IL6R: variants seen among roughly 807,000 people sequenced by gnomAD.
IL6R encodes the protein interleukin 6 receptor, also known as interleukin-6 receptor subunit alpha.
IL6R carries 38 observed loss-of-function variants against 48.3 expected under a neutral mutation model. The observed-to-expected ratio is 0.79, with a 90% CI of 0.61 to 1.03. The LOEUF (loss-of-function observed/expected upper bound fraction) is 1.03, where lower values mean the gene tolerates loss of function less well. Among genes scored for constraint, IL6R ranks in the 50% least tolerant of loss-of-function variants. The probability of loss-of-function intolerance (pLI) is 0.00; values close to 1 mark genes in which losing one functional copy is unlikely to be tolerated. For synonymous variants in IL6R, 264 were observed against 256.2 expected, an observed-to-expected ratio of 1.03 and a Z score of -0.29; for missense variants, 534 against 618.3, an observed-to-expected ratio of 0.86 and a Z score of 1.45.
intron 6 of IL6R, chr1:154,437,480 C>T (rs1284809914): frequency 6.7e-6 from 3 of 446,994 alleles, no homozygotes; most frequent in African/African-American, 2.0e-5. Context: ...GCAGTGCAAT[C>T]ACAGCTCACG....
rs1280951271 is a variant in IL6R, at chr1:154,467,553, G to A, written c.*2173G>A. ...AGCCGTGATTTTCATTGCTGGGCTT[G>A]TCTGTAGATTTTAGACCCTATTGCT... On this transcript the variant is annotated 3_prime_UTR_variant, in exon 10 of 10. Coordinates refer to ENST00000368485, the MANE Select transcript of IL6R (RefSeq NM_000565.4). The A allele has an allele frequency of 1.3e-5, 2 of 152,232 alleles. No individual in the cohort carries two copies. The highest frequency in any genetic ancestry group is 4.8e-5 in the African/African-American group (2 of 41,452). 9.4% of individuals were successfully genotyped at this position (152,232 alleles called of 1,614,324 possible).
chr1:154,459,648 T>C (rs1230757919), intron 9 of IL6R, among the ~76,000 whole-genome samples: 2 of 152,228 alleles, frequency 1.3e-5, no homozygotes, highest in African/African-American at 4.8e-5. Context: ...TTACTCATTC[T>C]TTTTTTCTGA....
intron 9 of IL6R, among the ~76,000 whole-genome samples, chr1:154,457,576 C>T (rs1013278611): frequency 3.3e-5 from 5 of 152,154 alleles, no homozygotes; most frequent in African/African-American, 1.2e-4. Flanking sequence ...CAATCATCTT[C>T]GCTCCATTTG....
chr1:154,431,681 G>A (rs1033316910), intron 3 of IL6R, among the ~76,000 whole-genome samples: 4 of 152,132 alleles, frequency 2.6e-5, no homozygotes, highest in Admixed American at 2.6e-4. Flanking sequence ...GAATGATGTA[G>A]GCATTGTGAC....
At chr1:154,454,215 G>T (rs1690744919) in intron 8 of IL6R, 1 of 487,458 alleles carries the variant, frequency 2.1e-6, no homozygotes, top group African/African-American at 1.9e-5. Context: ...CAGAAACCCT[G>T]AGCTTGAGGT....
chr1:154,429,364 C>T lies in IL6R; in HGVS notation c.254C>T (p.Ser85Leu), dbSNP rs765013919. Residue 85 changes from serine (S) to leucine (L), a missense_variant, in exon 2 of 10, where the codon TCG becomes TTG. Coordinates refer to ENST00000368485, the MANE Select transcript of IL6R (RefSeq NM_000565.4). ...AGMGRRLLLR[S>L]VQLHDSGNYS... The stretch of plus-strand genomic sequence containing the variant: ...ATGGGAAGGAGGCTGCTGCTGAGGT[C>T]GGTGCAGCTCCACGACTCTGGAAAC... The T allele has an allele frequency of 9.9e-6, 16 of 1,613,920 alleles. No homozygotes were observed. In the East Asian group the frequency reaches 1.8e-4, roughly 18 times the overall value.
chr1:154,456,090 G>T (rs1220205586), intron 9 of IL6R, among the ~76,000 whole-genome samples: 3 of 151,960 alleles, frequency 2.0e-5, no homozygotes, highest in Non-Finnish European at 4.4e-5. Context: ...TCTCAATGCA[G>T]TTTGGAGACT....
chr1:154,449,280 T>C (rs1363997380), intron 7 of IL6R, among the ~76,000 whole-genome samples: 1 of 151,824 alleles, frequency 6.6e-6, no homozygotes, highest in Non-Finnish European at 1.5e-5. Flanking sequence ...TTTGGGAGGC[T>C]GAGGCAGGCA....
chr1:154,440,780 C>T (rs1358602095), intron 6 of IL6R, among the ~76,000 whole-genome samples: 3 of 151,944 alleles, frequency 2.0e-5, no homozygotes, highest in South Asian at 2.1e-4. Flanking sequence ...CTCAGCCTCC[C>T]GAGTAGTTGA....
chr1:154,435,771 G>A (rs1007824715), intron 5 of IL6R, among the ~76,000 whole-genome samples, 198 bp from the exon 6 acceptor site: 3 of 152,216 alleles, frequency 2.0e-5, no homozygotes, highest in African/African-American at 7.2e-5. Context: ...TGCATGGGTG[G>A]GGCAGGGACT....
intron 8 of IL6R, among the ~76,000 whole-genome samples, chr1:154,450,194 C>T (rs528300202): frequency 5.1e-4 from 77 of 151,326 alleles, no homozygotes; most frequent in Middle Eastern, 3.4e-3. Context: ...GGCATGATCT[C>T]GGCTCACCAC....
intron 1 of IL6R, among the ~76,000 whole-genome samples, chr1:154,424,397 C>T (rs1688856554): frequency 6.6e-6 from 1 of 152,242 alleles, no homozygotes; most frequent in Non-Finnish European, 1.5e-5. Context: ...TTGACCCCTA[C>T]CTTAGACCTT....
Position 154,434,946 on chromosome 1 carries a change from C to T in IL6R, c.641-44C>T, listed in dbSNP as rs780912164. ...CTCAGCCTACATGGGCTTCTCTACA[C>T]TATATTTGGTGCTGCAAAGGAGTCA... On this transcript the variant is annotated intron_variant, in intron 4 of 9. Transcript: ENST00000368485. 15 of 1,604,522 alleles carry T rather than the reference C, an allele frequency of 9.3e-6. No homozygotes were observed. In the Middle Eastern group the frequency reaches 1.0e-3, roughly 109 times the overall value.
At chr1:154,407,597 A>G (rs1191883100) in intron 1 of IL6R, among the ~76,000 whole-genome samples, 1 of 152,258 alleles carries the variant, frequency 6.6e-6, no homozygotes, top group Non-Finnish European at 1.5e-5. Flanking sequence ...TCGTACAGGA[A>G]GCATGGAGCA....
chr1:154,464,515 C>T (rs540773428), intron 9 of IL6R, among the ~76,000 whole-genome samples: 34 of 152,218 alleles, frequency 2.2e-4, no homozygotes, highest in African/African-American at 8.2e-4. Context: ...AATGAACAGC[C>T]TCTGCAATGG....
chr1:154,443,609 G>C lies in IL6R; in HGVS notation c.950-4516G>C, dbSNP rs147481780. On this transcript the variant is annotated intron_variant, in intron 6 of 9. Transcript: ENST00000368485. ...CGACCCTGGGGAAGTACCTCACTGAGACTCAGTTTGCTTATTTGTCAAATG... is the reference window on the plus strand; with the variant it reads ...CGACCCTGGGGAAGTACCTCACTGACACTCAGTTTGCTTATTTGTCAAATG... Among the ~76,000 whole-genome samples, 77 of 152,286 alleles carry C rather than the reference G, an allele frequency of 5.1e-4. No individual in the cohort carries two copies. In the Middle Eastern group the frequency reaches 0.01, roughly 20 times the overall value.
chr1:154,423,469 C>T lies in IL6R; in HGVS notation c.86-5727C>T, dbSNP rs527446212. On this transcript the variant is annotated intron_variant, in intron 1 of 9. Coordinates refer to ENST00000368485, the MANE Select transcript of IL6R (RefSeq NM_000565.4). Reference sequence around the variant, plus strand: ...CCCATGAGGCTTCCCCACTGCCACCCAGCTGTCAGGGGTACTGAGTCAGAG... The same window carrying T: ...CCCATGAGGCTTCCCCACTGCCACCTAGCTGTCAGGGGTACTGAGTCAGAG... Among the ~76,000 whole-genome samples, 4 of 150,982 alleles carry T rather than the reference C, an allele frequency of 2.6e-5. No homozygotes were observed. The South Asian group carries it at 8.4e-4, about 32-fold the overall frequency.
Position 154,405,968 on chromosome 1 carries a change from C to A in IL6R, c.85+254C>A, listed in dbSNP as rs1687687422. Reference sequence around the variant, plus strand: ...CCGGTGAAGCTGTGCGGGAACCCTGCGGTCTGTGTACAGGACTGTGTCCTT... The same window carrying A: ...CCGGTGAAGCTGTGCGGGAACCCTGAGGTCTGTGTACAGGACTGTGTCCTT... On this transcript the variant is annotated intron_variant, in intron 1 of 9. Transcript: ENST00000368485. This position sits in a 1 kb window ranked among gnomAD's most constrained non-coding sequence, Gnocchi z 5.2. 6.6e-6 allele frequency among the ~76,000 whole-genome samples: 1 copy of A among 152,186 alleles called. No homozygotes were observed. The highest frequency in any genetic ancestry group is 2.1e-4 in the South Asian group (1 of 4,834).
chr1:154,415,112 C>T (rs118077513), intron 1 of IL6R: 351 of 1,143,268 alleles, frequency 3.1e-4, no homozygotes, highest in Admixed American at 1.2e-3. Context: ...TACGGTTCCA[C>T]TCGCCCTTGA....
Sources: allele counts gnomAD v4.1 joint callset (sites outside exome capture counted in the v4.1 genomes callset), GRCh38; gene constraint gnomAD v4.1.1; non-coding constraint Gnocchi (gnomAD v3.1); transcripts MANE v1.5; gene names NCBI Gene and HGNC (gene_info 2026-07-23, HGNC 2026-07-21).